Variants in GLT1D1 observed in about 807,000 individuals in gnomAD.
GLT1D1 encodes the protein glycosyltransferase 1 domain-containing protein 1.
GLT1D1 carries 21 observed loss-of-function variants against 28.7 expected under a neutral mutation model. That is an observed-to-expected ratio of 0.73 (90% CI 0.52 to 1.05). The LOEUF (loss-of-function observed/expected upper bound fraction) is 1.05, where lower values mean the gene tolerates loss of function less well. GLT1D1 is among the 50% of genes least tolerant of loss of function. The pLI is 0.00. For missense variants in GLT1D1, 343 were observed against 330.6 expected, an observed-to-expected ratio of 1.04 and a Z score of -0.29; for synonymous variants, 147 against 124.8, an observed-to-expected ratio of 1.18 and a Z score of -1.19.
At chr12:128,956,501 C>T (rs897402797) in intron 6 of GLT1D1, among the ~76,000 whole-genome samples, 24 of 152,160 alleles carry the variant, frequency 1.6e-4, no homozygotes, top group African/African-American at 5.8e-4. Context: ...AAGTCAGAGA[C>T]CATCTGTATC....
intron 6 of GLT1D1, among the ~76,000 whole-genome samples, chr12:128,950,711 C>T (rs574568231): frequency 1.8e-4 from 28 of 152,328 alleles, no homozygotes; most frequent in Non-Finnish European, 2.1e-4. Flanking sequence ...CTCTGTAAAC[C>T]TTTATCAGCT....
intron 4 of GLT1D1, among the ~76,000 whole-genome samples, chr12:128,919,922 A>G (rs1365867732): frequency 6.7e-6 from 1 of 148,420 alleles, no homozygotes; most frequent in Non-Finnish European, 1.5e-5. Context: ...GTTTTATTGT[A>G]TTTCTAGTTT....
At chr12:128,929,541 T>G (rs1724527955) in intron 4 of GLT1D1, among the ~76,000 whole-genome samples, 1 of 152,190 alleles carries the variant, frequency 6.6e-6, no homozygotes, top group African/African-American at 2.4e-5. Flanking sequence ...GGTTCTTTCT[T>G]ATATAGTTTT....
At chr12:128,951,141 G>A (rs527697172) in intron 6 of GLT1D1, among the ~76,000 whole-genome samples, 60 of 152,236 alleles carry the variant, frequency 3.9e-4, no homozygotes, top group African/African-American at 1.3e-3. Context: ...GGTGGCTCAC[G>A]TCTATAATCC....
At chr12:128,932,267 A>C (rs1874000324) in intron 4 of GLT1D1, among the ~76,000 whole-genome samples, 1 of 152,192 alleles carries the variant, frequency 6.6e-6, no homozygotes, top group African/African-American at 2.4e-5. Context: ...GTGGTAGGCA[A>C]GTACGGGTCC....
chr12:128,934,340 C>T (rs778185666), intron 4 of GLT1D1, among the ~76,000 whole-genome samples: 12 of 151,842 alleles, frequency 7.9e-5, no homozygotes, highest in Non-Finnish European at 1.6e-4. Flanking sequence ...ATTATAGGCA[C>T]GTGCCACCAC....
intron 6 of GLT1D1, among the ~76,000 whole-genome samples, chr12:128,949,301 G>A (rs1876449999): frequency 6.6e-6 from 1 of 152,194 alleles, no homozygotes; most frequent in African/African-American, 2.4e-5. Context: ...AAAGGCAGCT[G>A]TTAGCAACTC....
chr12:128,962,351 C>T (rs1391332639), intron 7 of GLT1D1, among the ~76,000 whole-genome samples: 1 of 152,256 alleles, frequency 6.6e-6, no homozygotes, highest in African/African-American at 2.4e-5. Context: ...ATTCACATCT[C>T]ATCTAAGAAG....
chr12:128,876,153 CT>C, intron 2 of GLT1D1, 91 bp downstream of exon 2: 3 of 1,159,080 alleles, frequency 2.6e-6, no homozygotes, highest in Non-Finnish European at 3.7e-6. Context: ...ACAGTGTCTC[CT>C]TTTTATCCAG....
intron 4 of GLT1D1, among the ~76,000 whole-genome samples, chr12:128,933,418 A>AT (rs1305041589): frequency 2.6e-5 from 4 of 152,240 alleles, no homozygotes; most frequent in Non-Finnish European, 5.9e-5. Flanking sequence ...ATGCATTCTG[A>AT]TTTTTTAAAA....
chr12:128,951,860 A>G (rs1876721571), intron 6 of GLT1D1, among the ~76,000 whole-genome samples: 1 of 152,244 alleles, frequency 6.6e-6, no homozygotes, highest in Non-Finnish European at 1.5e-5. Context: ...CCCTCAGATT[A>G]CACTGAAGTC....
intron 4 of GLT1D1, among the ~76,000 whole-genome samples, chr12:128,900,375 A>G (rs1870116529): frequency 6.6e-6 from 1 of 152,210 alleles, no homozygotes; most frequent in African/African-American, 2.4e-5. Context: ...AATTTGCAAA[A>G]TGGTGGTACT....
chr12:128,929,789 C>T (rs986364997), intron 4 of GLT1D1, among the ~76,000 whole-genome samples: 2 of 152,072 alleles, frequency 1.3e-5, no homozygotes, highest in African/African-American at 4.8e-5. Context: ...GGTGAAACCC[C>T]GTCTCTACTA....
chr12:128,948,324 A>G (rs1876341909), intron 6 of GLT1D1, among the ~76,000 whole-genome samples: 3 of 152,088 alleles, frequency 2.0e-5, no homozygotes, highest in African/African-American at 4.8e-5. Context: ...TTTCGTTGTT[A>G]GTTCATTGCC....
At chr12:128,855,223 T>TAAAAAAAA (rs771286662) in intron 1 of GLT1D1, among the ~76,000 whole-genome samples, 1 of 81,394 alleles carries the variant, frequency 1.2e-5, no homozygotes, top group African/African-American at 4.5e-5. Flanking sequence ...AGACTCCATC[T>TAAAAAAAA]AAAAAAAAAA....
intron 4 of GLT1D1, among the ~76,000 whole-genome samples, chr12:128,900,415 A>C (rs556374537): frequency 1.3e-5 from 2 of 152,332 alleles, no homozygotes; most frequent in African/African-American, 4.8e-5. Flanking sequence ...ACAAGGGCAG[A>C]ACCCAGTCAT....
intron 7 of GLT1D1, among the ~76,000 whole-genome samples, chr12:128,970,578 G>A (rs1171684219): frequency 6.6e-6 from 1 of 152,246 alleles, no homozygotes; most frequent in Non-Finnish European, 1.5e-5. Flanking sequence ...GCCACTGCTG[G>A]CCTGGCTTCT....
intron 7 of GLT1D1, among the ~76,000 whole-genome samples, chr12:128,960,778 A>AAT (rs1220774323): frequency 6.6e-6 from 1 of 151,586 alleles, no homozygotes; most frequent in Non-Finnish European, 1.5e-5. Flanking sequence ...AAAAAAATTA[A>AAT]ATATATATTT....
intron 1 of GLT1D1, among the ~76,000 whole-genome samples, chr12:128,873,885 C>CGCTCCCTT (rs1247962483): frequency 1.7e-5 from 2 of 115,760 alleles, no homozygotes; most frequent in African/African-American, 6.4e-5. Flanking sequence ...CTTCCTTCCT[C>CGCTCCCTT]TCTCTTGCTC....
Sources: allele counts gnomAD v4.1 joint callset (sites outside exome capture counted in the v4.1 genomes callset), GRCh38; gene constraint gnomAD v4.1.1; transcripts MANE v1.5; gene names NCBI Gene and HGNC (gene_info 2026-07-23, HGNC 2026-07-21).